DBF4B: variants seen among roughly 807,000 people sequenced by gnomAD.
DBF4B encodes DBF4B-CDC7 kinase regulatory subunit.
DBF4B carries 49 observed loss-of-function variants against 53.4 expected under a neutral mutation model. The observed-to-expected ratio is 0.92, with a 90% CI of 0.73 to 1.16. DBF4B has a LOEUF of 1.16. DBF4B is among the 50% of genes most tolerant of loss of function. The pLI is 0.00. For missense variants in DBF4B, 692 were observed against 775.0 expected, an observed-to-expected ratio of 0.89 and a Z score of 1.27; for synonymous variants, 257 against 288.7, an observed-to-expected ratio of 0.89 and a Z score of 1.11.
chr17:44,724,169 AG>A (rs1393203722), intron 3 of DBF4B, among the ~76,000 whole-genome samples: 1 of 152,100 alleles, frequency 6.6e-6, no homozygotes, highest in Non-Finnish European at 1.5e-5. Context: ...AGGCCGAGCC[AG>A]GTGGATCTCT....
chr17:44,727,864 A>ATTTTTTTTTT (rs756222247), intron 3 of DBF4B, among the ~76,000 whole-genome samples: 104 of 106,688 alleles, frequency 9.7e-4, no homozygotes, highest in Middle Eastern at 6.4e-3. Context: ...TGCCCGGGTA[A>ATTTTTTTTTT]TTTTTTTTTT....
intron 9 of DBF4B, among the ~76,000 whole-genome samples, chr17:44,740,232 C>T (rs1279971865): frequency 3.3e-5 from 5 of 152,178 alleles, no homozygotes; most frequent in African/African-American, 4.8e-5. Context: ...CTTAAGGGTC[C>T]AAGAAGACTT....
chr17:44,742,449 C>T (rs1040473848), intron 10 of DBF4B, among the ~76,000 whole-genome samples: 1 of 149,516 alleles, frequency 6.7e-6, no homozygotes, highest in Non-Finnish European at 1.5e-5. Flanking sequence ...AGCGTGATGA[C>T]AAGTGCCTGT....
chr17:44,710,976 A>ATT lies in DBF4B; in HGVS notation c.82+1636_82+1637dup, dbSNP rs10522434. Among the ~76,000 whole-genome samples the ATT allele has an allele frequency of 7.7e-4, 76 of 98,294 alleles. 1 individual carries two copies. The highest frequency in any genetic ancestry group is 1.7e-3 in the African/African-American group (32 of 19,272). 64.5% of individuals were successfully genotyped at this position (98,294 alleles called of 152,430 possible). On this transcript the variant is annotated intron_variant, in intron 2 of 13. Transcript: ENST00000315005. ...TTATTTTCGTTTTTATTCCAGTTTG[A>ATT]TTTTTTTTTTTTTTTTTTTTTTTTT...
At chr17:44,712,497 G>T (rs1478749440) in intron 2 of DBF4B, among the ~76,000 whole-genome samples, 3 of 151,378 alleles carry the variant, frequency 2.0e-5, no homozygotes, top group Non-Finnish European at 4.4e-5. Context: ...GTAGAGATGG[G>T]GTTTCACTGT....
intron 2 of DBF4B, among the ~76,000 whole-genome samples, chr17:44,716,559 T>G (rs995053067): frequency 5.9e-5 from 9 of 152,150 alleles, no homozygotes. Context: ...TTTCTGAGGT[T>G]GTCCTGTGCT....
intron 7 of DBF4B, among the ~76,000 whole-genome samples, chr17:44,734,374 C>T (rs1975148645): frequency 6.6e-6 from 1 of 152,220 alleles, no homozygotes; most frequent in Non-Finnish European, 1.5e-5. Context: ...GCAGTCCTCC[C>T]ATGGCACACA....
chr17:44,743,429 G>A (rs886771266), intron 10 of DBF4B, among the ~76,000 whole-genome samples: 1 of 152,114 alleles, frequency 6.6e-6, no homozygotes, highest in Non-Finnish European at 1.5e-5. Context: ...AATGTGAAAA[G>A]TCTATATTCC....
At chr17:44,723,706 C>T (rs899681628) in intron 3 of DBF4B, among the ~76,000 whole-genome samples, 1 of 151,764 alleles carries the variant, frequency 6.6e-6, no homozygotes. Context: ...TTGCAGTAAG[C>T]CGAGATTGTA....
chr17:44,734,842 A>G (rs528708844), intron 7 of DBF4B, among the ~76,000 whole-genome samples: 217 of 152,294 alleles, frequency 1.4e-3, no homozygotes, highest in African/African-American at 4.8e-3. Flanking sequence ...GGTGGCTCAC[A>G]CCTGTAATTC....
intron 10 of DBF4B, among the ~76,000 whole-genome samples, chr17:44,744,940 A>G (rs1976455511): frequency 6.6e-6 from 1 of 152,202 alleles, no homozygotes; most frequent in East Asian, 1.9e-4. Flanking sequence ...ATTTGTAAGG[A>G]GCCCTTCTCA....
chr17:44,709,836 A>G (rs1972700294), intron 2 of DBF4B, among the ~76,000 whole-genome samples: 1 of 151,858 alleles, frequency 6.6e-6, no homozygotes, highest in Non-Finnish European at 1.5e-5. Context: ...TTAGGTAAGT[A>G]TTTTAGCACA....
chr17:44,727,536 ACT>A (rs957531003), intron 3 of DBF4B, among the ~76,000 whole-genome samples: 44 of 152,288 alleles, frequency 2.9e-4, no homozygotes, highest in Admixed American at 2.5e-3. Context: ...AAACCCAGAA[ACT>A]CAGGACTGCA....
intron 2 of DBF4B, among the ~76,000 whole-genome samples, chr17:44,718,025 C>CA (rs1174623178): frequency 6.7e-6 from 1 of 150,354 alleles, no homozygotes; most frequent in Admixed American, 6.6e-5. Flanking sequence ...GATCCTGTCT[C>CA]AAAAAAAAGA....
intron 1 of DBF4B, chr17:44,709,049 T>G (rs1972625274): frequency 2.6e-6 from 2 of 761,866 alleles, no homozygotes; most frequent in Non-Finnish European, 4.3e-6. Context: ...CCTGGAGGGA[T>G]GTATGGAGAT....
chr17:44,725,949 A>G (rs778444330), intron 3 of DBF4B, among the ~76,000 whole-genome samples: 6 of 151,782 alleles, frequency 4.0e-5, no homozygotes, highest in Non-Finnish European at 7.4e-5. Context: ...CAGCCTCCCA[A>G]AGTACTGGGA....
chr17:44,747,110 A>G lies in DBF4B; in HGVS notation c.858A>G (p.Pro286=). 1 of 1,614,162 alleles carries G rather than the reference A, an allele frequency of 6.2e-7. No homozygotes were observed. The highest frequency in any genetic ancestry group is 8.5e-7 in the Non-Finnish European group (1 of 1,180,018). Residue 286 remains proline, a synonymous_variant, in exon 11 of 14, where the codon CCA becomes CCG. Transcript: ENST00000315005. ...AATCCAAGGATGGAGAGCCAAGCCC[A>G]CGATCAGCTGCCCACACCATGCCCA... ...TRESKDGEPS[P]RSAAHTMPRR...
At chr17:44,719,026 G>C (rs1973587909) in intron 2 of DBF4B, 4 of 150,486 alleles carry the variant, frequency 2.7e-5, no homozygotes, top group Admixed American at 6.6e-5. Context: ...GAGTGCAGTG[G>C]CGCGATCTTG....
intron 10 of DBF4B, among the ~76,000 whole-genome samples, chr17:44,744,385 C>G (rs1275309741): frequency 6.6e-6 from 1 of 150,750 alleles, no homozygotes; most frequent in East Asian, 1.9e-4. Flanking sequence ...GCACAACAGC[C>G]TGGGTGACAG....
Sources: gnomAD v4.1 joint callset for allele counts (sites outside exome capture counted in the v4.1 genomes callset) on GRCh38, gnomAD v4.1.1 for gene constraint, MANE v1.5 for transcripts, NCBI Gene and HGNC (gene_info 2026-07-23, HGNC 2026-07-21) for gene names.